The following MYRIP variants were observed in gnomAD, a reference collection of about 807,000 sequenced individuals.
MYRIP encodes rab effector MyRIP.
In MYRIP, 49 loss-of-function variants were observed where a neutral mutation model predicts 98.0. The observed-to-expected ratio is 0.50, with a 90% CI of 0.40 to 0.63. MYRIP has a LOEUF of 0.63. Ranked by LOEUF, MYRIP falls within the 30% of genes least tolerant of loss-of-function variation. The pLI is 0.00. For synonymous variants in MYRIP, 404 were observed against 409.5 expected (o/e 0.99, Z 0.16); for missense variants, 1,004 against 1,058.2 (o/e 0.95, Z 0.71).
intron 3 of MYRIP, among the ~76,000 whole-genome samples, chr3:40,045,038 G>A (rs770502843): frequency 3.3e-5 from 5 of 152,142 alleles, no homozygotes; most frequent in South Asian, 2.1e-4. Context: ...ATTGTGATTC[G>A]TATTTGCTGC....
chr3:40,256,840 T>C (rs1460681816), intron 16 of MYRIP, among the ~76,000 whole-genome samples: 1 of 152,078 alleles, frequency 6.6e-6, no homozygotes, highest in Non-Finnish European at 1.5e-5. Flanking sequence ...ACTAAAAGAT[T>C]CATGTTGTGA....
intron 3 of MYRIP, among the ~76,000 whole-genome samples, chr3:40,118,578 T>TATTTATTC (rs1559408005): frequency 6.6e-6 from 1 of 151,268 alleles, no homozygotes; most frequent in Non-Finnish European, 1.5e-5. Flanking sequence ...TTTATTTATT[T>TATTTATTC]ATTTATTTAT....
chr3:40,176,083 G>A (rs1246976684), intron 8 of MYRIP, among the ~76,000 whole-genome samples: 1 of 152,182 alleles, frequency 6.6e-6, no homozygotes, highest in Non-Finnish European at 1.5e-5. Flanking sequence ...GATGAAGGTA[G>A]TAATAAGTGG....
intron 2 of MYRIP, among the ~76,000 whole-genome samples, chr3:39,959,628 A>T (rs189458419): frequency 9.9e-5 from 15 of 152,084 alleles, no homozygotes; most frequent in East Asian, 1.9e-4. Context: ...CATATGTAAC[A>T]AACCTGTACA....
chr3:40,087,124 C>A (rs1948645959), intron 3 of MYRIP, among the ~76,000 whole-genome samples: 1 of 151,926 alleles, frequency 6.6e-6, no homozygotes, highest in Non-Finnish European at 1.5e-5. Flanking sequence ...GGAGAGAGGT[C>A]CCAAGAAGAA....
chr3:39,936,565 C>A (rs560436929), intron 2 of MYRIP, among the ~76,000 whole-genome samples: 1 of 152,158 alleles, frequency 6.6e-6, no homozygotes, highest in Non-Finnish European at 1.5e-5. Context: ...TGAGAACATT[C>A]GCCTTGGCCT....
At chr3:40,094,491 A>G (rs930511994) in intron 3 of MYRIP, among the ~76,000 whole-genome samples, 1 of 152,180 alleles carries the variant, frequency 6.6e-6, no homozygotes, top group Non-Finnish European at 1.5e-5. Flanking sequence ...TTGCAGCACA[A>G]GGACATCTGT....
intron 12 of MYRIP, among the ~76,000 whole-genome samples, chr3:40,241,485 C>T (rs2125709965): frequency 6.6e-6 from 1 of 152,340 alleles, no homozygotes; most frequent in African/African-American, 2.4e-5. Flanking sequence ...ATGGAAGCCA[C>T]ATCCAACAAG....
At chr3:39,846,981 A>G (rs188749824) in intron 1 of MYRIP, among the ~76,000 whole-genome samples, 112 of 152,272 alleles carry the variant, frequency 7.4e-4, no homozygotes, top group Non-Finnish European at 1.4e-3. Context: ...TTTTTGTTCT[A>G]TCCAGACTTT....
chr3:40,218,824 C>G (rs1030592133), intron 11 of MYRIP, among the ~76,000 whole-genome samples: 8 of 151,050 alleles, frequency 5.3e-5, no homozygotes, highest in Non-Finnish European at 1.0e-4. Context: ...GTTGGTTTTC[C>G]CCAAATTAAT....
intron 3 of MYRIP, among the ~76,000 whole-genome samples, chr3:40,131,749 G>A (rs2679803): frequency 0.36 from 54,976 of 152,046 alleles, 11,692 homozygotes; most frequent in Non-Finnish European, 0.48. Flanking sequence ...ATTTATAGCT[G>A]TGTTTTTAAA....
At position 39,945,092 on chromosome 3, in the gene MYRIP, C is replaced by T. The variant is rs192463773; in HGVS notation, c.110+44166C>T. Among the ~76,000 whole-genome samples, 99 of 151,876 alleles carry T rather than the reference C, an allele frequency of 6.5e-4. 1 individual carries two copies. The highest frequency in any genetic ancestry group is 7.7e-4 in the Non-Finnish European group (52 of 67,944). On this transcript the variant is annotated intron_variant, in intron 2 of 16. Transcript: ENST00000302541. ...CTGTTTCACCCAAGAGGAAAGACAGCCAAGGGAAATTAAGCCACATGCTTA... is the reference window on the plus strand; with the variant it reads ...CTGTTTCACCCAAGAGGAAAGACAGTCAAGGGAAATTAAGCCACATGCTTA...
chr3:39,872,843 G>A (rs139987595), intron 1 of MYRIP, among the ~76,000 whole-genome samples: 2,592 of 152,212 alleles, frequency 0.017, 69 homozygotes, highest in African/African-American at 0.059. Flanking sequence ...AGTCCTTTGG[G>A]TATATACCCA....
At chr3:39,958,444 A>G (rs1945228106) in intron 2 of MYRIP, among the ~76,000 whole-genome samples, 1 of 152,184 alleles carries the variant, frequency 6.6e-6, no homozygotes, top group Non-Finnish European at 1.5e-5. Context: ...TTCCCTATTT[A>G]ATAAATGGTG....
At chr3:40,053,959 C>G (rs755965539) in intron 3 of MYRIP, among the ~76,000 whole-genome samples, 5 of 152,182 alleles carry the variant, frequency 3.3e-5, no homozygotes, top group Non-Finnish European at 7.3e-5. Flanking sequence ...GAACACAGCC[C>G]CAACACAGCA....
intron 7 of MYRIP, 52 bp downstream of exon 7, chr3:40,167,291 G>T: frequency 6.6e-7 from 1 of 1,526,526 alleles, no homozygotes; most frequent in Middle Eastern, 1.7e-4. Context: ...TGGGCCTGGT[G>T]CAGGGACTCT....
At chr3:40,193,603 A>G (rs1951305857) in intron 10 of MYRIP, among the ~76,000 whole-genome samples, 1 of 152,212 alleles carries the variant, frequency 6.6e-6, no homozygotes, top group African/African-American at 2.4e-5. Flanking sequence ...TGACTGGAGG[A>G]GTATATGGGT....
At chr3:39,851,923 G>A (rs66997027) in intron 1 of MYRIP, among the ~76,000 whole-genome samples, 17,685 of 152,002 alleles carry the variant, frequency 0.12, 1,293 homozygotes, top group African/African-American at 0.2. Flanking sequence ...GGCTTCTCCT[G>A]CATTGCAGTG....
intron 1 of MYRIP, among the ~76,000 whole-genome samples, chr3:39,832,599 C>A (rs541656795): frequency 6.6e-6 from 1 of 152,156 alleles, no homozygotes; most frequent in South Asian, 2.1e-4. Flanking sequence ...AAAATGAAAA[C>A]CTAATTAGCA....
Sources: allele counts gnomAD v4.1 joint callset (sites outside exome capture counted in the v4.1 genomes callset), GRCh38; gene constraint gnomAD v4.1.1; transcripts MANE v1.5; gene names NCBI Gene and HGNC (gene_info 2026-07-23, HGNC 2026-07-21).